The following DPP10 variants were observed in gnomAD, a reference collection of about 807,000 sequenced individuals.
DPP10 encodes dipeptidyl peptidase like 10.
A neutral mutation model predicts 120.9 loss-of-function variants in DPP10; 33 were observed. The observed-to-expected ratio is 0.27, with a 90% CI of 0.21 to 0.37. The LOEUF (loss-of-function observed/expected upper bound fraction) is 0.37. DPP10 is among the 10% of genes least tolerant of loss of function. The pLI is 1.00. For synonymous variants in DPP10, 337 were observed against 326.1 expected, an observed-to-expected ratio of 1.03 and a Z score of -0.36; for missense variants, 816 against 942.8, an observed-to-expected ratio of 0.87 and a Z score of 1.76.
Position 115,499,538 on chromosome 2 carries a change from T to C in DPP10, c.300T>C (p.Asn100=), listed in dbSNP as rs746345806. The change falls in exon 4 of 26, where the codon AAT becomes AAC. Residue 100 remains asparagine, a synonymous_variant. Transcript: ENST00000410059. ...CAGATGTGGTGTATAAAAGCGAGAA[T>C]GGACATGTCATTAAACTGAATATAG... is the stretch of plus-strand genomic sequence containing the variant. ...NDTDVVYKSE[N]GHVIKLNIET... is the part of the protein sequence containing the mutation. The C allele has an allele frequency of 2.5e-6, 4 of 1,612,008 alleles. No homozygotes were observed. In the South Asian group the frequency reaches 3.3e-5, roughly 13 times the overall value.
chr2:115,541,007 A>G (rs989579092), intron 5 of DPP10, among the ~76,000 whole-genome samples: 1 of 151,838 alleles, frequency 6.6e-6, no homozygotes, highest in African/African-American at 2.4e-5. Context: ...GCATTTTTGT[A>G]TTTATTGAAG....
At chr2:114,856,205 A>G (rs1165221049) in intron 1 of DPP10, among the ~76,000 whole-genome samples, 1 of 152,194 alleles carries the variant, frequency 6.6e-6, no homozygotes, top group Admixed American at 6.5e-5. Context: ...CCCATGAGAT[A>G]TCATAATATG....
In DPP10 at chr2:115,836,139, T is replaced by TAC. The variant is rs2150119906; in HGVS notation, c.1951-17_1951-16insCA. ...TGTGAGATATATATATATATATATA[T>TAC]ATATTTTTCCCCCCCAGGGTTATGG... On this transcript the variant is annotated splice_polypyrimidine_tract_variant and intron_variant, in intron 21 of 25. Coordinates refer to ENST00000410059, the MANE Select transcript of DPP10 (RefSeq NM_020868.6). The TAC allele has an allele frequency of 7.6e-7, 1 of 1,322,990 alleles. No homozygotes were observed. The highest frequency in any genetic ancestry group is 1.5e-5 in the South Asian group (1 of 66,076). The allele number at this position is 1,322,990 out of a possible 1,614,324, so 82.0% of individuals were successfully genotyped here. A position where few individuals can be genotyped will look rare whatever the true frequency, so the allele number is the denominator to read the frequency against.
chr2:115,740,048 A>C (rs1225261274), intron 9 of DPP10, among the ~76,000 whole-genome samples, 155 bp downstream of exon 9: 1 of 152,142 alleles, frequency 6.6e-6, no homozygotes, highest in Non-Finnish European at 1.5e-5. Context: ...CCAGTAGTCT[A>C]TACACAGTGC....
chr2:115,355,105 A>G (rs2064286371), intron 3 of DPP10, among the ~76,000 whole-genome samples: 1 of 152,194 alleles, frequency 6.6e-6, no homozygotes, highest in African/African-American at 2.4e-5. Context: ...TTCTGGTTCT[A>G]GATCCTTGAG....
intron 2 of DPP10, among the ~76,000 whole-genome samples, chr2:115,334,020 G>T (rs1452703870): frequency 6.6e-6 from 1 of 151,724 alleles, no homozygotes; most frequent in Non-Finnish European, 1.5e-5. Flanking sequence ...ACCTCTGATT[G>T]GTGTACTTGA....
At chr2:115,826,226 C>T (rs772191636) in intron 21 of DPP10, among the ~76,000 whole-genome samples, 12 of 152,106 alleles carry the variant, frequency 7.9e-5, no homozygotes, top group Non-Finnish European at 1.5e-4. Flanking sequence ...TAGTCTGGTC[C>T]GTTGAGGCCT....
At chr2:114,796,096 T>C (rs1010207758) in intron 1 of DPP10, among the ~76,000 whole-genome samples, 3 of 152,196 alleles carry the variant, frequency 2.0e-5, no homozygotes. Context: ...AGTTTGTCTC[T>C]CCAGTAAATT....
intron 1 of DPP10, among the ~76,000 whole-genome samples, chr2:114,803,364 A>G (rs1321645709): frequency 6.6e-6 from 1 of 152,214 alleles, no homozygotes; most frequent in Non-Finnish European, 1.5e-5. Context: ...AGAGTGGGGC[A>G]TTGCTTAAAA....
At chr2:115,548,127 G>A (rs1336853561) in intron 5 of DPP10, among the ~76,000 whole-genome samples, 1 of 152,174 alleles carries the variant, frequency 6.6e-6, no homozygotes, top group Admixed American at 6.6e-5. Context: ...TATAGAAAAT[G>A]TGGAAGAAAT....
chr2:115,390,211 A>G (rs2067229347), intron 3 of DPP10, among the ~76,000 whole-genome samples: 1 of 152,214 alleles, frequency 6.6e-6, no homozygotes, highest in Non-Finnish European at 1.5e-5. Context: ...GCAACTCTTC[A>G]CAGTTTGTGT....
At chr2:115,660,655 CTTTTTTTT>C in intron 5 of DPP10, among the ~76,000 whole-genome samples, 5 of 25,314 alleles carry the variant, frequency 2.0e-4, no homozygotes, top group Admixed American at 8.7e-4. Context: ...CTCTGTCTGG[CTTTTTTTT>C]TTTTTTTTTT....
intron 5 of DPP10, among the ~76,000 whole-genome samples, chr2:115,595,636 T>G (rs925668373): frequency 4.0e-5 from 6 of 151,438 alleles, no homozygotes; most frequent in African/African-American, 9.8e-5. Flanking sequence ...CAAAATTCCT[T>G]TTTTAACATT....
chr2:114,972,984 AT>A (rs1482561648), intron 1 of DPP10, among the ~76,000 whole-genome samples: 1 of 152,066 alleles, frequency 6.6e-6, no homozygotes, highest in Non-Finnish European at 1.5e-5. Flanking sequence ...TCTTCATTTC[AT>A]TTTTGCATTG....
chr2:115,172,866 C>T (rs2053451355), intron 1 of DPP10, among the ~76,000 whole-genome samples: 1 of 152,132 alleles, frequency 6.6e-6, no homozygotes. Flanking sequence ...CACCTTTTGT[C>T]ATTGTTTGAC....
Position 115,577,067 on chromosome 2 carries a change from A to G in DPP10, c.441+51095A>G, listed in dbSNP as rs572761424. On this transcript the variant is annotated intron_variant, in intron 5 of 25. Transcript: ENST00000410059. ...AGGAACAAGGAGATGACAGATAAAG[A>G]TGCTTTTAGAGCAGCTCCTAATGCT... is the stretch of plus-strand genomic sequence containing the variant. 6.6e-5 allele frequency among the ~76,000 whole-genome samples: 10 copies of G among 152,342 alleles called. No individual in the cohort carries two copies. The East Asian group carries it at 1.7e-3, about 26-fold the overall frequency.
chr2:115,797,685 A>C (rs377596572), intron 19 of DPP10, among the ~76,000 whole-genome samples: 9 of 151,980 alleles, frequency 5.9e-5, no homozygotes, highest in African/African-American at 2.2e-4. Flanking sequence ...TTGTTAATAG[A>C]AGGGGAGAAG....
intron 5 of DPP10, among the ~76,000 whole-genome samples, chr2:115,673,899 G>A (rs564747704): frequency 2.7e-4 from 41 of 152,182 alleles, no homozygotes; most frequent in South Asian, 2.3e-3. Flanking sequence ...TTTGAAGAAC[G>A]TCAGAGTACA....
chr2:115,150,353 C>T (rs899361521), intron 1 of DPP10, among the ~76,000 whole-genome samples: 4 of 152,134 alleles, frequency 2.6e-5, no homozygotes, highest in African/African-American at 9.7e-5. Flanking sequence ...TCTAAAGGAA[C>T]ATCTTCTATT....
Sources: allele counts gnomAD v4.1 joint callset (sites outside exome capture counted in the v4.1 genomes callset), GRCh38; gene constraint gnomAD v4.1.1; transcripts MANE v1.5; gene names NCBI Gene and HGNC (gene_info 2026-07-23, HGNC 2026-07-21).